YPEL2: variants seen among roughly 807,000 people sequenced by gnomAD.
YPEL2 encodes the protein yippee like 2, also known as protein yippee-like 2.
In YPEL2, 2 loss-of-function variants were observed where a neutral mutation model predicts 19.1. That is an observed-to-expected ratio of 0.10 (90% CI 0.04 to 0.33). YPEL2 has a LOEUF of 0.33. Ranked by LOEUF, YPEL2 falls within the 10% of genes least tolerant of loss-of-function variation. The probability of loss-of-function intolerance (pLI) is 1.00; values close to 1 mark genes in which losing one functional copy is unlikely to be tolerated. For missense variants in YPEL2, 66 were observed against 140.7 expected, an observed-to-expected ratio of 0.47 and a Z score of 2.68; for synonymous variants, 52 against 50.0, an observed-to-expected ratio of 1.04 and a Z score of -0.17.
intron 4 of YPEL2, 85 bp from the exon 5 acceptor site, chr17:59,397,016 G>C (rs2048042887): frequency 2.0e-6 from 2 of 1,018,090 alleles, no homozygotes; most frequent in Non-Finnish European, 2.8e-6. Flanking sequence ...GGGTGACAGA[G>C]TGAGACTGCC....
intron 4 of YPEL2, among the ~76,000 whole-genome samples, chr17:59,393,437 ATTTT>A (rs1015785480): frequency 7.2e-6 from 1 of 138,712 alleles, no homozygotes; most frequent in Non-Finnish European, 1.6e-5. Flanking sequence ...GCCTGGCCGA[ATTTT>A]TTTTTTCATA....
In YPEL2 at chr17:59,340,564, C is replaced by T. The variant is rs79245365; in HGVS notation, c.-196+8740C>T. On this transcript the variant is annotated intron_variant, in intron 1 of 4. Transcript: ENST00000312655. ...CCAAGTAGCTGGGACTACAGGCACC[C>T]GCCACCTCGCTCGGCTAATTTTTTA... Among the ~76,000 whole-genome samples, 335 of 151,066 alleles carry T rather than the reference C, an allele frequency of 2.2e-3. 3 individuals carry two copies. The highest frequency in any genetic ancestry group is 0.017 in the East Asian group (88 of 5,090).
At chr17:59,363,026 G>A (rs2047849137) in intron 2 of YPEL2, 2 of 152,198 alleles carry the variant, frequency 1.3e-5, no homozygotes, top group Admixed American at 1.3e-4. Context: ...GGCTCACCAT[G>A]GAGGGTAGAA....
In YPEL2 at chr17:59,353,304, C is replaced by G; in HGVS notation, c.-106C>G. On this transcript the variant is annotated 5_prime_UTR_variant, in exon 2 of 5. Coordinates refer to ENST00000312655, the MANE Select transcript of YPEL2 (RefSeq NM_001005404.4). The surrounding 1 kb of genome is among the most constrained non-coding windows in gnomAD (Gnocchi z 4.8). ...TGGAGCCTGCCACACCCACCCGCTG[C>G]CAAACCACGGCCTTTACCTGTGTCT... 1 of 816,224 alleles carries G rather than the reference C, an allele frequency of 1.2e-6. No individual in the cohort carries two copies. The highest frequency in any genetic ancestry group is 2.5e-5 in the East Asian group (1 of 40,396). 50.6% of individuals were successfully genotyped at this position (816,224 alleles called of 1,614,324 possible).
chr17:59,359,854 C>A (rs1348163432), intron 2 of YPEL2, among the ~76,000 whole-genome samples: 1 of 152,208 alleles, frequency 6.6e-6, no homozygotes, highest in Non-Finnish European at 1.5e-5. Flanking sequence ...ATGGCCTGAG[C>A]TCTAGTGGGT....
Position 59,379,501 on chromosome 17 carries a change from T to C in YPEL2, c.118-8826T>C, listed in dbSNP as rs556212612. On this transcript the variant is annotated intron_variant, in intron 2 of 4. Transcript: ENST00000312655. ...TGTATCTCTACCTACACACTTCTGA[T>C]GCCTTCTCACTGAGACGCCTAAAAG... 3.3e-5 allele frequency among the ~76,000 whole-genome samples: 5 copies of C among 152,340 alleles called. No individual in the cohort carries two copies. The South Asian group carries it at 6.2e-4, about 19-fold the overall frequency.
At position 59,354,815 on chromosome 17, in the gene YPEL2, C is replaced by G. The variant is rs1427842884; in HGVS notation, c.117+1289C>G. 2 of 152,206 alleles carry G rather than the reference C, an allele frequency of 1.3e-5. 1 individual carries two copies. The allele number at this position is 152,206 out of a possible 1,614,324, so 9.4% of individuals were successfully genotyped here. ...TTTATGCTGCTTATGTTTCAGCCAG[C>G]CTTTAGCTTCCTTCTCAGCTTCCCT... On this transcript the variant is annotated intron_variant, in intron 2 of 4. Coordinates refer to ENST00000312655, the MANE Select transcript of YPEL2 (RefSeq NM_001005404.4).
chr17:59,388,192 G>A, intron 2 of YPEL2, 135 bp from the exon 3 acceptor site: 1 of 833,582 alleles, frequency 1.2e-6, no homozygotes, highest in Non-Finnish European at 2.1e-6. Flanking sequence ...CTGCCAGCGG[G>A]ACCGTTAACT....
chr17:59,381,152 CTCT>C (rs1291048852), intron 2 of YPEL2, among the ~76,000 whole-genome samples: 1 of 152,242 alleles, frequency 6.6e-6, no homozygotes, highest in African/African-American at 2.4e-5. Context: ...GGTTAACTGA[CTCT>C]TCCAGGGTCA....
intron 2 of YPEL2, among the ~76,000 whole-genome samples, chr17:59,386,863 G>A (rs116421362): frequency 0.013 from 1,988 of 152,282 alleles, 45 homozygotes; most frequent in African/African-American, 0.045. Flanking sequence ...GGGAATATCT[G>A]CCTGCCCCTT....
At chr17:59,390,147 C>T (rs1414768791) in intron 4 of YPEL2, among the ~76,000 whole-genome samples, 2 of 152,002 alleles carry the variant, frequency 1.3e-5, no homozygotes, top group African/African-American at 4.8e-5. Flanking sequence ...ATTACAGGCA[C>T]GCGTCACCAT....
chr17:59,397,355 A>C lies in YPEL2; in HGVS notation c.*165A>C. Reference sequence around the variant, plus strand: ...CATCTTTCTGGTGACCGGCCTCTAAATCGCTGTCTCTCTGTCTCTTTGCTT... The same window carrying C: ...CATCTTTCTGGTGACCGGCCTCTAACTCGCTGTCTCTCTGTCTCTTTGCTT... On this transcript the variant is annotated 3_prime_UTR_variant, in exon 5 of 5. Coordinates refer to ENST00000312655, the MANE Select transcript of YPEL2 (RefSeq NM_001005404.4). 6.4e-6 allele frequency: 3 copies of C among 469,278 alleles called. No homozygotes were observed. 29.1% of individuals were successfully genotyped at this position (469,278 alleles called of 1,614,324 possible).
chr17:59,368,186 TG>T (rs2047880018), intron 2 of YPEL2, among the ~76,000 whole-genome samples: 1 of 152,084 alleles, frequency 6.6e-6, no homozygotes, highest in Non-Finnish European at 1.5e-5. Context: ...CAGGCTCAGA[TG>T]ATCTTTTCAC....
At chr17:59,365,922 G>C (rs929258558) in intron 2 of YPEL2, among the ~76,000 whole-genome samples, 30 of 152,150 alleles carry the variant, frequency 2.0e-4, no homozygotes, top group African/African-American at 7.0e-4. Context: ...GATGTCAAGA[G>C]GTGGAGCAGG....
rs1211323705 is a variant in YPEL2, at chr17:59,400,999, A to G, written c.*3809A>G. The G allele has an allele frequency of 6.6e-6, 1 of 152,606 alleles. No homozygotes were observed. Among genetic ancestry groups the G allele is most frequent in the Non-Finnish European group, 1.5e-5 (1 of 68,040 alleles). 9.5% of individuals were successfully genotyped at this position (152,606 alleles called of 1,614,324 possible). ...TGTAAAGGAGATGTGTTGTTTGTGA[A>G]GATGGAGCAGAGTCAAATCTGTGCT... On this transcript the variant is annotated 3_prime_UTR_variant, in exon 5 of 5. Transcript: ENST00000312655.
Position 59,340,916 on chromosome 17 carries a change from T to C in YPEL2, c.-196+9092T>C, listed in dbSNP as rs1281434396. Among the ~76,000 whole-genome samples, 5 of 145,274 alleles carry C rather than the reference T, an allele frequency of 3.4e-5. No homozygotes were observed. The East Asian group carries it at 6.8e-4, about 20-fold the overall frequency. On this transcript the variant is annotated intron_variant, in intron 1 of 4. Transcript: ENST00000312655. ...TTTTAGTAGAGACGGGGTTTCGCCA[T>C]GTTGGCCAGGCTGGTCTGGAACACC... is the stretch of plus-strand genomic sequence containing the variant.
At chr17:59,336,356 C>A (rs988969609) in intron 1 of YPEL2, among the ~76,000 whole-genome samples, 5 of 152,162 alleles carry the variant, frequency 3.3e-5, no homozygotes, top group African/African-American at 1.2e-4. Context: ...CTCTTACCTA[C>A]CCCAGTAACC....
At chr17:59,381,217 G>T (rs911934821) in intron 2 of YPEL2, among the ~76,000 whole-genome samples, 2 of 152,210 alleles carry the variant, frequency 1.3e-5, no homozygotes, top group African/African-American at 4.8e-5. Flanking sequence ...TGAATCTTCT[G>T]ATGCCAAGAC....
intron 1 of YPEL2, among the ~76,000 whole-genome samples, chr17:59,341,494 A>G (rs996726515): frequency 1.3e-5 from 2 of 151,500 alleles, no homozygotes; most frequent in Non-Finnish European, 2.9e-5. Flanking sequence ...ACCCGTCCCT[A>G]CTAAAAATAC....
Sources: allele counts gnomAD v4.1 joint callset (sites outside exome capture counted in the v4.1 genomes callset), GRCh38; gene constraint gnomAD v4.1.1; non-coding constraint Gnocchi (gnomAD v3.1); transcripts MANE v1.5; gene names NCBI Gene and HGNC (gene_info 2026-07-23, HGNC 2026-07-21).